BRD4: variants seen among roughly 807,000 people sequenced by gnomAD.
The protein encoded by BRD4 is bromodomain containing 4, also known as bromodomain-containing protein 4.
Under a neutral mutation model 142.1 loss-of-function variants are expected in BRD4, and 16 were observed. The ratio of observed to expected loss-of-function variants is 0.11; its 90% CI spans 0.08 to 0.17. The LOEUF is 0.17. Among genes scored for constraint, BRD4 ranks in the 10% least tolerant of loss-of-function variants. The pLI is 1.00. For missense variants in BRD4, 1,424 were observed against 1,810.9 expected (o/e 0.79, Z 3.88); for synonymous variants, 833 against 707.5 (o/e 1.18, Z -2.82).
At chr19:15,327,058 C>T (rs755361831) in intron 1 of BRD4, among the ~76,000 whole-genome samples, 3 of 152,156 alleles carry the variant, frequency 2.0e-5, no homozygotes, top group Non-Finnish European at 4.4e-5. Flanking sequence ...ATGCTGATAT[C>T]CTTGCAGTTC....
At chr19:15,317,049 C>G (rs1652865128) in intron 1 of BRD4, among the ~76,000 whole-genome samples, 1 of 152,192 alleles carries the variant, frequency 6.6e-6, no homozygotes, top group Non-Finnish European at 1.5e-5. Context: ...TCACTGAGAA[C>G]AAAGCTGAAT....
chr19:15,318,971 C>G (rs190519186), intron 1 of BRD4, among the ~76,000 whole-genome samples: 1 of 152,240 alleles, frequency 6.6e-6, no homozygotes, highest in Admixed American at 6.5e-5. Flanking sequence ...TTTGCAAGGA[C>G]AAACCAAAAT....
chr19:15,260,855 G>A (rs1301362931), intron 7 of BRD4, among the ~76,000 whole-genome samples: 3 of 151,172 alleles, frequency 2.0e-5, no homozygotes, highest in African/African-American at 4.9e-5. Context: ...GAAAATCTGC[G>A]AAAAGGAGGT....
intron 7 of BRD4, among the ~76,000 whole-genome samples, chr19:15,260,696 G>T (rs2047459819): frequency 6.7e-6 from 1 of 150,022 alleles, no homozygotes. Flanking sequence ...TGTGTAGGAA[G>T]AAACTCTACT....
chr19:15,313,918 C>G (rs2047995498), intron 1 of BRD4, among the ~76,000 whole-genome samples: 1 of 152,136 alleles, frequency 6.6e-6, no homozygotes, highest in Non-Finnish European at 1.5e-5. Context: ...CCAGAAACAT[C>G]AAGTGCTTGC....
At chr19:15,278,366 T>C (rs1345015377) in intron 1 of BRD4, among the ~76,000 whole-genome samples, 1 of 151,656 alleles carries the variant, frequency 6.6e-6, no homozygotes, top group African/African-American at 2.4e-5. Context: ...AAACCCCATC[T>C]CTACTAAAAA....
In BRD4 at chr19:15,255,546, C is replaced by G. The variant is rs2145570857; in HGVS notation, c.1798G>C (p.Glu600Gln). 9 of 1,611,798 alleles carry G rather than the reference C, an allele frequency of 5.6e-6. No homozygotes were observed. Among genetic ancestry groups the G allele is most frequent in the Non-Finnish European group, 7.6e-6 (9 of 1,178,002 alleles). Reference sequence around the variant, plus strand: ...TTGCACTTGTCCTCTTCCTCCGACTCATACGTGGGAGGGGGCTTGCTCTTC... The same window carrying G: ...TTGCACTTGTCCTCTTCCTCCGACTGATACGTGGGAGGGGGCTTGCTCTTC... ...PMKSKPPPTYESEEEDKCKPM... is the reference protein window; with the variant it reads ...PMKSKPPPTYQSEEEDKCKPM... Residue 600 changes from glutamate (E) to glutamine (Q), a missense_variant, in exon 10 of 20, where the codon GAG (glutamate) becomes CAG (glutamine). Physicochemically the swap from Glu to Gln is conservative, Grantham distance 29 (BLOSUM62 2). Transcript: ENST00000679869.
intron 1 of BRD4, among the ~76,000 whole-genome samples, chr19:15,322,698 A>C (rs1274557319): frequency 8.7e-5 from 2 of 22,902 alleles, no homozygotes; most frequent in Admixed American, 4.7e-4. Context: ...TAAAAAATAC[A>C]AAAAAAAAAA....
intron 14 of BRD4, among the ~76,000 whole-genome samples, chr19:15,240,690 G>A (rs189008041): frequency 6.6e-6 from 1 of 152,322 alleles, no homozygotes; most frequent in East Asian, 1.9e-4. Context: ...GAAGGATCCA[G>A]CAGCCACAGG....
chr19:15,266,473 T>G (rs1367956848), intron 4 of BRD4, among the ~76,000 whole-genome samples: 1 of 152,180 alleles, frequency 6.6e-6, no homozygotes, highest in Non-Finnish European at 1.5e-5. Flanking sequence ...TCTCCCAGAC[T>G]GGAATAGGAG....
chr19:15,252,874 G>C (rs778527621), intron 11 of BRD4: 1 of 177,676 alleles, frequency 5.6e-6, no homozygotes, highest in Non-Finnish European at 1.2e-5. Flanking sequence ...AAGGCCCGAG[G>C]TGCCACCTAC....
At chr19:15,318,293 G>A (rs963162985) in intron 1 of BRD4, among the ~76,000 whole-genome samples, 7 of 151,168 alleles carry the variant, frequency 4.6e-5, no homozygotes, top group Non-Finnish European at 7.4e-5. Flanking sequence ...AGATTGGGGC[G>A]GGGGGGTGAA....
At chr19:15,254,059 T>C (rs1017070484) in intron 11 of BRD4, 93 bp downstream of exon 11, 1 of 1,085,730 alleles carries the variant, frequency 9.2e-7, no homozygotes, top group Non-Finnish European at 1.4e-6. Context: ...GAGTGCCGTC[T>C]CTGGGCTCTA....
intron 2 of BRD4, among the ~76,000 whole-genome samples, chr19:15,270,853 C>T (rs2047579714): frequency 6.6e-6 from 1 of 152,198 alleles, no homozygotes; most frequent in South Asian, 2.1e-4. Context: ...AGACCACTCT[C>T]ACTCAGCAAG....
intron 1 of BRD4, among the ~76,000 whole-genome samples, chr19:15,328,018 G>A (rs2048124799): frequency 6.7e-6 from 1 of 149,314 alleles, no homozygotes; most frequent in Non-Finnish European, 1.5e-5. Flanking sequence ...GTATAACAAC[G>A]TTTATCTCAA....
intron 7 of BRD4, among the ~76,000 whole-genome samples, chr19:15,258,271 A>G (rs1466763124): frequency 5.3e-5 from 8 of 151,122 alleles, no homozygotes; most frequent in Non-Finnish European, 1.2e-4. Context: ...ATCCCATATA[A>G]CTGTGGTGTT....
chr19:15,263,654 G>C, intron 6 of BRD4, 106 bp from the exon 7 acceptor site: 1 of 1,465,240 alleles, frequency 6.8e-7, no homozygotes, highest in Non-Finnish European at 9.4e-7. Context: ...TTGGTTTCTT[G>C]GCTCTCAGTT....
rs182709925 is a variant in BRD4 at position 15,298,795 on chromosome 19, A to C, written c.-34-25662T>G. ...TTCCCACAACCAGAAAATCAGCTTA[A>C]CAGAAAGAATGCCCAATCATTCAAA... On this transcript the variant is annotated intron_variant, in intron 1 of 19. Transcript: ENST00000679869. Among the ~76,000 whole-genome samples the C allele has an allele frequency of 2.6e-5, 4 of 152,284 alleles. No homozygotes were observed. The East Asian group carries it at 7.7e-4, about 29-fold the overall frequency.
chr19:15,264,570 T>A lies in BRD4; in HGVS notation c.1046A>T (p.Lys349Met). 1.9e-6 allele frequency: 3 copies of A among 1,614,192 alleles called. No homozygotes were observed. Among genetic ancestry groups the A allele is most frequent in the Non-Finnish European group, 2.5e-6 (3 of 1,180,026 alleles). ...QQHPAPEKSS[K>M]VSEQLKCCSG... is the part of the protein sequence containing the mutation. ...GCAGCACTTGAGCTGCTCCGAGACCTTGCTGCTCTTCTCTGGTGCTGGGTG... is the reference window on the plus strand; with the variant it reads ...GCAGCACTTGAGCTGCTCCGAGACCATGCTGCTCTTCTCTGGTGCTGGGTG... Residue 349 changes from lysine (K) to methionine (M), a missense_variant, in exon 6 of 20, where the codon AAG becomes ATG. Coordinates refer to ENST00000679869, the MANE Select transcript of BRD4 (RefSeq NM_001379291.1).
Sources: gnomAD v4.1 joint callset for allele counts (sites outside exome capture counted in the v4.1 genomes callset) on GRCh38, gnomAD v4.1.1 for gene constraint, MANE v1.5 for transcripts, NCBI Gene and HGNC (gene_info 2026-07-23, HGNC 2026-07-21) for gene names.